The following CIITA variants were observed in gnomAD, a reference collection of about 807,000 sequenced individuals.
CIITA encodes the protein MHC class II transactivator.
In CIITA, 72 loss-of-function variants were observed where a neutral mutation model predicts 115.1. The observed-to-expected ratio is 0.63, with a 90% CI of 0.52 to 0.76. CIITA has a LOEUF of 0.76. Among genes scored for constraint, CIITA ranks in the 30% least tolerant of loss-of-function variants. The pLI is 0.00. For synonymous variants in CIITA, 763 were observed against 635.6 expected (o/e 1.20, Z -3.02); for missense variants, 1,617 against 1,463.8 (o/e 1.10, Z -1.71).
At chr16:10,893,963 T>G (rs2037862375) in intron 1 of CIITA, among the ~76,000 whole-genome samples, 1 of 151,974 alleles carries the variant, frequency 6.6e-6, no homozygotes, top group Non-Finnish European at 1.5e-5. Context: ...GTTCCCCATT[T>G]CCTTCCAAAA....
intron 18 of CIITA, 72 bp downstream of exon 18, chr16:10,922,562 G>A: frequency 2.7e-6 from 4 of 1,494,080 alleles, no homozygotes; most frequent in South Asian, 2.3e-5. Context: ...TGACCCCGGA[G>A]CTCAAATCAT....
At chr16:10,916,494 G>T (rs375891767) in intron 15 of CIITA, 35 bp downstream of exon 15, 1 of 1,576,600 alleles carries the variant, frequency 6.3e-7, no homozygotes, top group Non-Finnish European at 8.7e-7. Context: ...CTGCTGAATC[G>T]GGCCCCCAAA....
At chr16:10,903,629 A>G in intron 8 of CIITA, 102 bp from the exon 9 acceptor site, 1 of 1,255,004 alleles carries the variant, frequency 8.0e-7, no homozygotes, top group Non-Finnish European at 1.2e-6. Context: ...TTCTCTCCAG[A>G]CTTCCTGAGC....
intron 15 of CIITA, among the ~76,000 whole-genome samples, chr16:10,917,870 C>T (rs774398951): frequency 2.0e-5 from 3 of 152,304 alleles, no homozygotes; most frequent in East Asian, 3.9e-4. Flanking sequence ...AATAATTTAC[C>T]GGAATTTACT....
At chr16:10,896,380 G>T (rs990259851) in intron 3 of CIITA, among the ~76,000 whole-genome samples, 3 of 152,200 alleles carry the variant, frequency 2.0e-5, no homozygotes, top group Non-Finnish European at 4.4e-5. Flanking sequence ...CACAAAAAAA[G>T]AAAGTGTCTG....
At chr16:10,922,348 C>T in intron 17 of CIITA, 59 bp from the exon 18 acceptor site, 1 of 1,611,014 alleles carries the variant, frequency 6.2e-7, no homozygotes, top group East Asian at 2.2e-5. Flanking sequence ...TGGGGGTGGC[C>T]TTGGTCTGGA....
Position 10,902,667 on chromosome 16 carries a change from C to G in CIITA, c.638C>G (p.Ser213Cys). The G allele has an allele frequency of 6.2e-7, 1 of 1,614,248 alleles. No individual in the cohort carries two copies. Among genetic ancestry groups the G allele is most frequent in the Non-Finnish European group, 8.5e-7 (1 of 1,180,046 alleles). Residue 213 changes from serine to cysteine, a missense_variant, in exon 8 of 20, where the codon TCC (serine) becomes TGC (cysteine). Physicochemically the swap from Ser to Cys is moderately radical, Grantham distance 112. Transcript: ENST00000324288. ...CCTTTGTCTCTTGCAGTGCCTTTCT[C>G]CAGTTCCTCGTTGAGCTGCCTGAAT... ...EKTDQIPMPF[S>C]SSSLSCLNLP...
At chr16:10,874,967 T>C (rs775940496), upstream of CIITA, among the ~76,000 whole-genome samples, 4 of 151,856 alleles carry the variant, frequency 2.6e-5, no homozygotes, top group Non-Finnish European at 5.9e-5. Flanking sequence ...AGAATTTCTT[T>C]CTTTTTTTTT....
intron 1 of CIITA, among the ~76,000 whole-genome samples, chr16:10,883,097 C>T (rs1156569323): frequency 1.3e-5 from 2 of 152,120 alleles, no homozygotes; most frequent in Non-Finnish European, 2.9e-5. Flanking sequence ...TTGGGGTCTC[C>T]AGCACCCAGC....
At position 10,907,448 on chromosome 16, in the gene CIITA, C is replaced by G. The variant is rs1037966629; in HGVS notation, c.1956C>G (p.Ser652Arg). 2 of 1,612,690 alleles carry G rather than the reference C, an allele frequency of 1.2e-6. No individual in the cohort carries two copies. Among genetic ancestry groups the G allele is most frequent in the Non-Finnish European group, 1.7e-6 (2 of 1,179,776 alleles). The change falls in exon 11 of 20, where the codon AGC (serine) becomes AGG (arginine). Residue 652 changes from serine (S) to arginine (R), a missense_variant. By Grantham distance (110) the Ser-to-Arg change is moderately radical. Coordinates refer to ENST00000324288, the MANE Select transcript of CIITA (RefSeq NM_000246.4). The surrounding 1 kb of genome is among the most constrained non-coding windows in gnomAD (Gnocchi z 5.0). ...VGLLGRAALD[S>R]PPGALAELAK... ...TGCTGGGCCGTGCAGCCCTCGACAG[C>G]CCCCCCGGGGCCCTGGCAGAGCTGG...
At chr16:10,900,775 A>T (rs1169308489) in intron 5 of CIITA, among the ~76,000 whole-genome samples, 3 of 152,166 alleles carry the variant, frequency 2.0e-5, no homozygotes, top group Non-Finnish European at 4.4e-5. Flanking sequence ...ATACAATAAA[A>T]GTGAAAGAAT....
At chr16:10,882,012 C>T (rs185608319) in intron 1 of CIITA, among the ~76,000 whole-genome samples, 7 of 152,284 alleles carry the variant, frequency 4.6e-5, no homozygotes, top group East Asian at 3.8e-4. Context: ...CTTTCTATGG[C>T]GGAATAGTAT....
rs779875908 is a variant in CIITA, at chr16:10,902,850, G to A, written c.772+49G>A. 5.6e-6 allele frequency: 9 copies of A among 1,608,920 alleles called. No individual in the cohort carries two copies. In the African/African-American group the frequency reaches 8.0e-5, roughly 14 times the overall value. ...GACCACCTCTCCCTCCTACCTGACT[G>A]CTCCCTGACCTCATCCTCCCCATAC... On this transcript the variant is annotated intron_variant, in intron 8 of 19. Coordinates refer to ENST00000324288, the MANE Select transcript of CIITA (RefSeq NM_000246.4).
In CIITA at chr16:10,922,455, C is replaced by T. The variant is rs2040325045; in HGVS notation, c.3282C>T (p.Ala1094=). The T allele has an allele frequency of 6.2e-7, 1 of 1,614,008 alleles. No homozygotes were observed. Among genetic ancestry groups the T allele is most frequent in the Admixed American group, 1.7e-5 (1 of 60,000 alleles). ...FTAAGAQQLA[A]SLRRCPHVET... is the part of the protein sequence containing the mutation. ...CTGCCGGGGCCCAGCAGCTCGCTGC[C>T]AGCCTTCGGAGGTGTCCTCATGTGG... Residue 1094 remains alanine (A), a synonymous_variant, in exon 18 of 20, where the codon GCC becomes GCT. Transcript: ENST00000324288.
chr16:10,905,467 A>ATGAGAAAAGATGGCCATGCATGG (rs2039074549), intron 10 of CIITA, among the ~76,000 whole-genome samples: 1 of 152,138 alleles, frequency 6.6e-6, no homozygotes, highest in Non-Finnish European at 1.5e-5. Flanking sequence ...AAATGAAGGA[A>ATGAGAAAAGATGGCCATGCATGG]TGAGAAAAGA....
intron 5 of CIITA, 53 bp downstream of exon 5, chr16:10,899,055 C>G (rs1226882532): frequency 1.3e-6 from 2 of 1,565,412 alleles, no homozygotes; most frequent in South Asian, 1.1e-5. Context: ...CCTGGCCTTT[C>G]CTTGACTCCA....
chr16:10,895,155 G>A, intron 1 of CIITA, 127 bp from the exon 2 acceptor site: 3 of 1,076,980 alleles, frequency 2.8e-6, no homozygotes, highest in East Asian at 2.4e-5. Context: ...TATAAGAGGT[G>A]CTGAATGAGC....
rs1179341214 is a variant in CIITA at position 10,899,144 on chromosome 16, T to C, written c.436+142T>C. 4 of 762,192 alleles carry C rather than the reference T, an allele frequency of 5.2e-6. No homozygotes were observed. In the African/African-American group the frequency reaches 6.9e-5, roughly 13 times the overall value. 47.2% of individuals were successfully genotyped at this position (762,192 alleles called of 1,614,324 possible). On this transcript the variant is annotated intron_variant, in intron 5 of 19. Transcript: ENST00000324288. ...GGCCCTTTAAAAGCCAACAGGAGCC[T>C]TAAAATGTACATCTGATTATTTCAT...
chr16:10,880,144 T>A (rs554065160), intron 1 of CIITA, among the ~76,000 whole-genome samples: 2 of 152,366 alleles, frequency 1.3e-5, no homozygotes, highest in South Asian at 2.1e-4. Context: ...CCTTAGGGGA[T>A]GACCTGGTCT....
Sources: allele counts gnomAD v4.1 joint callset (sites outside exome capture counted in the v4.1 genomes callset), GRCh38; gene constraint gnomAD v4.1.1; non-coding constraint Gnocchi (gnomAD v3.1); transcripts MANE v1.5; gene names NCBI Gene and HGNC (gene_info 2026-07-23, HGNC 2026-07-21).